EPHB2: variants seen among roughly 807,000 people sequenced by gnomAD.
EPHB2 encodes EPH receptor B2, also known as ephrin type-B receptor 2.
A neutral mutation model predicts 96.4 loss-of-function variants in EPHB2; 18 were observed. The observed-to-expected ratio is 0.19, with a 90% CI of 0.13 to 0.28. EPHB2 has a LOEUF of 0.28. Among genes scored for constraint, EPHB2 ranks in the 10% least tolerant of loss-of-function variants. The pLI is 1.00. For missense variants in EPHB2, 989 were observed against 1,355.4 expected, an observed-to-expected ratio of 0.73 and a Z score of 4.25; for synonymous variants, 506 against 534.1, an observed-to-expected ratio of 0.95 and a Z score of 0.72.
intron 1 of EPHB2, among the ~76,000 whole-genome samples, chr1:22,729,933 C>G (rs1643669690): frequency 6.6e-6 from 1 of 152,210 alleles, no homozygotes; most frequent in South Asian, 2.1e-4. Context: ...GCACGGCTCT[C>G]AGATGACTGA....
intron 1 of EPHB2, among the ~76,000 whole-genome samples, chr1:22,716,095 C>A (rs565515617): frequency 2.0e-5 from 3 of 152,334 alleles, no homozygotes; most frequent in African/African-American, 4.8e-5. Context: ...GGTAACCCCC[C>A]AAGTGTGGAC....
intron 3 of EPHB2, among the ~76,000 whole-genome samples, chr1:22,855,017 G>C (rs977081142): frequency 1.3e-5 from 2 of 152,226 alleles, no homozygotes; most frequent in Admixed American, 1.3e-4. Flanking sequence ...AGTTCAAAGA[G>C]AATGTAAGAG....
At position 22,908,178 on chromosome 1, in the gene EPHB2, A is replaced by T; in HGVS notation, c.2352+10A>T. On this transcript the variant is annotated intron_variant, in intron 12 of 15. Transcript: ENST00000374630. ...CTACACCAGTGCCCTGGTAAGATGG[A>T]GGCAGGGAACACCGGAGTCACAGAG... 1.2e-6 allele frequency: 2 copies of T among 1,614,192 alleles called. No individual in the cohort carries two copies. The highest frequency in any genetic ancestry group is 1.7e-6 in the Non-Finnish European group (2 of 1,180,002).
At chr1:22,719,269 CTG>C (rs1289468992) in intron 1 of EPHB2, among the ~76,000 whole-genome samples, 2 of 152,144 alleles carry the variant, frequency 1.3e-5, no homozygotes, top group Non-Finnish European at 2.9e-5. Context: ...GATGAGGAAA[CTG>C]AGGTCTGGGA....
At chr1:22,886,048 C>T (rs1557735572) in intron 6 of EPHB2, among the ~76,000 whole-genome samples, 1 of 152,146 alleles carries the variant, frequency 6.6e-6, no homozygotes, top group Non-Finnish European at 1.5e-5. Context: ...GAGTCAGACA[C>T]TGAGAGCCAT....
At chr1:22,898,196 G>C (rs137930025) in intron 9 of EPHB2, among the ~76,000 whole-genome samples, 2 of 151,964 alleles carry the variant, frequency 1.3e-5, no homozygotes, top group African/African-American at 4.8e-5. Context: ...ATGCAGAAGC[G>C]TGTGGTATAT....
intron 3 of EPHB2, among the ~76,000 whole-genome samples, chr1:22,854,864 A>T (rs1464332807): frequency 6.6e-6 from 1 of 152,142 alleles, no homozygotes; most frequent in Non-Finnish European, 1.5e-5. Context: ...GGTTAACCTT[A>T]CAGCAAAAGC....
intron 3 of EPHB2, among the ~76,000 whole-genome samples, chr1:22,855,179 G>A (rs1645680420): frequency 6.6e-6 from 1 of 152,182 alleles, no homozygotes; most frequent in African/African-American, 2.4e-5. Flanking sequence ...TAGAGCTGAG[G>A]CCCAGAGTGG....
rs576929536 is a variant in EPHB2, at chr1:22,882,534, TCTCC to T, written c.1428+53_1428+56del. The T allele has an allele frequency of 1.3e-4, 206 of 1,609,168 alleles. No individual in the cohort carries two copies. In the African/African-American group the frequency reaches 2.5e-3, roughly 20 times the overall value. ...CATCACCCACCTCCCTGAGGGCCCC[TCTCC>T]CAGGCTGAGGCCTGGGAGTTCTGCC... On this transcript the variant is annotated intron_variant, in intron 6 of 15. Coordinates refer to ENST00000374630, the MANE Select transcript of EPHB2 (RefSeq NM_017449.5).
At chr1:22,890,292 G>A (rs920118329) in intron 6 of EPHB2, among the ~76,000 whole-genome samples, 1 of 152,180 alleles carries the variant, frequency 6.6e-6, no homozygotes, top group East Asian at 1.9e-4. Context: ...TGAGAAGGAA[G>A]AGGTGCATCT....
Position 22,711,320 on chromosome 1 carries a change from G to A in EPHB2, c.61+277G>A, listed in dbSNP as rs1643133851. Among the ~76,000 whole-genome samples the A allele has an allele frequency of 2.0e-5, 3 of 147,848 alleles. 1 individual carries two copies. In the South Asian group the frequency reaches 6.2e-4, roughly 31 times the overall value. On this transcript the variant is annotated intron_variant, in intron 1 of 15. Transcript: ENST00000374630. ...GCCCGGCGAGCGCCGCCCAGGGCTG[G>A]GGGCTGCCCACGCGCGCTCGCCGCC...
At chr1:22,746,464 G>C (rs77990368) in intron 1 of EPHB2, among the ~76,000 whole-genome samples, 11,801 of 152,306 alleles carry the variant, frequency 0.077, 584 homozygotes, top group Admixed American at 0.13. Context: ...TCCATGAAGA[G>C]TGGGGCAGGG....
chr1:22,878,145 C>T (rs1638905891), intron 5 of EPHB2, among the ~76,000 whole-genome samples: 1 of 152,208 alleles, frequency 6.6e-6, no homozygotes. Flanking sequence ...GTGAATGGAG[C>T]AGATCCTGAT....
At chr1:22,776,836 G>A (rs572704105) in intron 1 of EPHB2, among the ~76,000 whole-genome samples, 50 of 152,342 alleles carry the variant, frequency 3.3e-4, no homozygotes, top group Non-Finnish European at 5.9e-4. Context: ...CCCTAGTGGA[G>A]CAGAACACTG....
At position 22,917,218 on chromosome 1, in the gene EPHB2, C is replaced by A. The variant is rs924691339; in HGVS notation, c.*3648C>A. The A allele has an allele frequency of 3.3e-5, 5 of 152,256 alleles. No individual in the cohort carries two copies. The highest frequency in any genetic ancestry group is 2.6e-4 in the Admixed American group (4 of 15,280). 9.4% of individuals were successfully genotyped at this position (152,256 alleles called of 1,614,324 possible). A position where few individuals can be genotyped will look rare whatever the true frequency, so the allele number is the denominator to read the frequency against. On this transcript the variant is annotated 3_prime_UTR_variant, in exon 16 of 16. Transcript: ENST00000374630. Reference sequence around the variant, plus strand: ...CCACCACCTTGTGAGCAGTTGCTAGCCTCACACTCCTCTCCCATCAGGGGC... The same window carrying A: ...CCACCACCTTGTGAGCAGTTGCTAGACTCACACTCCTCTCCCATCAGGGGC...
Position 22,864,966 on chromosome 1 carries a change from C to T in EPHB2, c.1057C>T (p.Arg353Ter). ...GACCCCTCCCCGCGACTCCGGAGGC[C>T]GAGAGGACCTCGTCTACAACATCAT... ...EWTPPRDSGG[R>*]EDLVYNIICK... The change falls in exon 5 of 16, where the codon CGA becomes TGA. Residue 353 changes from arginine (R) to a stop codon, truncating the protein, a stop_gained. Coordinates refer to ENST00000374630, the MANE Select transcript of EPHB2 (RefSeq NM_017449.5). LOFTEE classifies it high-confidence loss of function. The T allele has an allele frequency of 6.2e-7, 1 of 1,605,698 alleles. No individual in the cohort carries two copies. Among genetic ancestry groups the T allele is most frequent in the Non-Finnish European group, 8.5e-7 (1 of 1,174,636 alleles).
At chr1:22,747,267 T>C (rs1643989356) in intron 1 of EPHB2, among the ~76,000 whole-genome samples, 1 of 152,224 alleles carries the variant, frequency 6.6e-6, no homozygotes, top group Non-Finnish European at 1.5e-5. Flanking sequence ...CAGGCAAGGT[T>C]ACTTGTATTA....
Position 22,740,420 on chromosome 1 carries a change from G to A in EPHB2, c.61+29377G>A, listed in dbSNP as rs116112156. 2.1e-3 allele frequency among the ~76,000 whole-genome samples: 324 copies of A among 152,292 alleles called. 3 individuals are homozygous for A. Among genetic ancestry groups the A allele is most frequent in the African/African-American group, 6.9e-3 (288 of 41,554 alleles). ...ATGAAATGCCAGTGGTACCCAGTAT[G>A]GTCATTGTGCCCTCACAATCCTTAA... On this transcript the variant is annotated intron_variant, in intron 1 of 15. Coordinates refer to ENST00000374630, the MANE Select transcript of EPHB2 (RefSeq NM_017449.5).
intron 1 of EPHB2, among the ~76,000 whole-genome samples, chr1:22,736,089 C>A (rs182816659): frequency 2.2e-4 from 34 of 152,288 alleles, no homozygotes; most frequent in South Asian, 8.3e-4. Flanking sequence ...GTGGCCCTGT[C>A]CCTGGCCCAA....
Sources: gnomAD v4.1 joint callset for allele counts (sites outside exome capture counted in the v4.1 genomes callset) on GRCh38, gnomAD v4.1.1 for gene constraint, MANE v1.5 for transcripts, NCBI Gene and HGNC (gene_info 2026-07-23, HGNC 2026-07-21) for gene names.